KIAA2012: variants seen among roughly 807,000 people sequenced by gnomAD.
KIAA2012 encodes the protein KIAA2012, also known as uncharacterized protein KIAA2012.
A neutral mutation model predicts 150.6 loss-of-function variants in KIAA2012; 125 were observed. That is an observed-to-expected ratio of 0.83 (90% CI 0.72 to 0.96). The LOEUF (loss-of-function observed/expected upper bound fraction) is 0.96, where lower values mean the gene tolerates loss of function less well. Among genes scored for constraint, KIAA2012 ranks in the 40% least tolerant of loss-of-function variants. KIAA2012 has a pLI of 0.00. For missense variants in KIAA2012, 1,219 were observed against 1,354.9 expected, an observed-to-expected ratio of 0.90 and a Z score of 1.57; for synonymous variants, 462 against 504.7, an observed-to-expected ratio of 0.92 and a Z score of 1.13.
intron 2 of KIAA2012, among the ~76,000 whole-genome samples, chr2:202,075,557 G>A (rs917090451): frequency 2.0e-5 from 3 of 152,156 alleles, no homozygotes; most frequent in East Asian, 3.8e-4. Context: ...CACCTCTGAT[G>A]TTCTTGGCTC....
intron 16 of KIAA2012, 119 bp from the exon 17 acceptor site, chr2:202,186,814 T>C: frequency 1.1e-6 from 1 of 880,220 alleles, no homozygotes; most frequent in Non-Finnish European, 1.7e-6. Flanking sequence ...TGACTAAGTA[T>C]GTCAAATGTC....
chr2:202,194,245 A>G lies in KIAA2012; in HGVS notation c.3070A>G (p.Lys1024Glu). 6.4e-7 allele frequency: 1 copy of G among 1,550,606 alleles called. No individual in the cohort carries two copies. The highest frequency in any genetic ancestry group is 8.7e-7 in the Non-Finnish European group (1 of 1,147,012). Reference protein sequence around the residue: ...EQQRQEEEERKQQLRLKAAQE... With the variant: ...EQQRQEEEEREQQLRLKAAQE... ...GCAGCGGCAGGAGGAGGAGGAGAGA[A>G]AGCAGCAGCTCCGGTTGAAAGCAGC... Residue 1024 changes from lysine to glutamate, a missense_variant, in exon 21 of 24, where the codon AAG (lysine) becomes GAG (glutamate). Lys to Glu is a moderately conservative substitution (Grantham distance 56, BLOSUM62 1). Transcript: ENST00000498697.
At chr2:202,108,957 C>T (rs1456097410) in intron 9 of KIAA2012, among the ~76,000 whole-genome samples, 2 of 152,314 alleles carry the variant, frequency 1.3e-5, no homozygotes, top group East Asian at 1.9e-4. Context: ...TCCTGGGTTT[C>T]CTGCTTCCTA....
chr2:202,109,870 T>C, intron 10 of KIAA2012, 81 bp downstream of exon 10: 1 of 1,310,298 alleles, frequency 7.6e-7, no homozygotes, highest in Non-Finnish European at 1.0e-6. Flanking sequence ...TGCTATGATG[T>C]AAGTTTTCTG....
At position 202,073,538 on chromosome 2, in the gene KIAA2012, T is replaced by C. The variant is rs1574995987; in HGVS notation, c.-90T>C. On this transcript the variant is annotated 5_prime_UTR_variant, in exon 1 of 24. Transcript: ENST00000498697. ...GTGTTTGTGGTCTTCTTGGGCTTGCTGTGAGCTCTGGAAATCTTGAGGTGT... is the reference window on the plus strand; with the variant it reads ...GTGTTTGTGGTCTTCTTGGGCTTGCCGTGAGCTCTGGAAATCTTGAGGTGT... 2.6e-6 allele frequency: 3 copies of C among 1,144,694 alleles called. No homozygotes were observed. The highest frequency in any genetic ancestry group is 2.6e-5 in the East Asian group (1 of 38,842). The allele number at this position is 1,144,694 out of a possible 1,614,324, so 70.9% of individuals were successfully genotyped here.
In KIAA2012 at chr2:202,128,263, T is replaced by C. The variant is rs372766811; in HGVS notation, c.1831+2981T>C. On this transcript the variant is annotated intron_variant, in intron 12 of 23. Coordinates refer to ENST00000498697, the MANE Select transcript of KIAA2012 (RefSeq NM_001277372.4). The stretch of plus-strand genomic sequence containing the variant: ...TTTTCTCTCCATGAAACTGCAAGCT[T>C]TTTTTCTTTTCTTTTCTTTTGAGAC... Among the ~76,000 whole-genome samples, 11 of 152,236 alleles carry C rather than the reference T, an allele frequency of 7.2e-5. No homozygotes were observed. The East Asian group carries it at 1.7e-3, about 24-fold the overall frequency.
At chr2:202,095,913 G>A (rs1195372376) in intron 4 of KIAA2012, among the ~76,000 whole-genome samples, 2 of 152,036 alleles carry the variant, frequency 1.3e-5, no homozygotes, top group African/African-American at 4.8e-5. Flanking sequence ...GTGAAACCCC[G>A]TCTCTACTAA....
At chr2:202,183,256 C>G (rs562963793) in intron 15 of KIAA2012, among the ~76,000 whole-genome samples, 1 of 151,980 alleles carries the variant, frequency 6.6e-6, no homozygotes, top group Admixed American at 6.5e-5. Flanking sequence ...TCCGTCTATA[C>G]GAAAAATAGA....
chr2:202,093,647 A>G (rs1390841461), intron 4 of KIAA2012, among the ~76,000 whole-genome samples: 1 of 152,166 alleles, frequency 6.6e-6, no homozygotes, highest in Admixed American at 6.5e-5. Context: ...AGAGCCAGAA[A>G]TGTGTATCGA....
At chr2:202,165,224 G>A in intron 14 of KIAA2012, 60 bp from the exon 15 acceptor site, 1 of 1,466,846 alleles carries the variant, frequency 6.8e-7, no homozygotes, top group African/African-American at 1.4e-5. Flanking sequence ...TCACAGAAGT[G>A]TTTTAAGTGT....
At chr2:202,105,975 C>T in intron 9 of KIAA2012, 65 bp downstream of exon 9, 1 of 1,550,196 alleles carries the variant, frequency 6.5e-7, no homozygotes, top group Non-Finnish European at 8.7e-7. Flanking sequence ...AGGCAAGACA[C>T]ACAAGGGTCC....
chr2:202,087,476 G>A (rs1273048248), intron 2 of KIAA2012, among the ~76,000 whole-genome samples: 1 of 120,750 alleles, frequency 8.3e-6, no homozygotes, highest in Non-Finnish European at 1.6e-5. Context: ...TAGTGCCACT[G>A]CACTCCAGCC....
intron 9 of KIAA2012, among the ~76,000 whole-genome samples, chr2:202,107,824 C>T (rs768383055): frequency 1.1e-4 from 16 of 152,114 alleles, no homozygotes; most frequent in East Asian, 1.9e-4. Context: ...GCCTGACCAA[C>T]GTGGTGAAAC....
At chr2:202,183,419 C>CAA (rs1235156565) in intron 15 of KIAA2012, among the ~76,000 whole-genome samples, 1 of 39,846 alleles carries the variant, frequency 2.5e-5, no homozygotes, top group African/African-American at 1.0e-4. Context: ...GGCTCTGTCT[C>CAA]AAAAAAAAAA....
intron 15 of KIAA2012, chr2:202,179,290 T>A: frequency 8.4e-7 from 1 of 1,184,816 alleles, no homozygotes; most frequent in Non-Finnish European, 1.2e-6. Context: ...GCTCTTCGGG[T>A]AAAGATGGCG....
Position 202,093,155 on chromosome 2 carries a change from T to G in KIAA2012, c.655T>G (p.Trp219Gly). ...TCTCCTGCCTGTCTTCCCTTCATTTTGGATTCAACAAGGAAAATCTTTTGA... is the reference window on the plus strand; with the variant it reads ...TCTCCTGCCTGTCTTCCCTTCATTTGGGATTCAACAAGGAAAATCTTTTGA... The part of the protein sequence containing the change: ...YHLLPVFPSF[W>G]IQQGKSFEQR... Residue 219 changes from tryptophan to glycine, a missense_variant, in exon 4 of 24, where the codon TGG becomes GGG. Coordinates refer to ENST00000498697, the MANE Select transcript of KIAA2012 (RefSeq NM_001277372.4). The G allele has an allele frequency of 6.4e-7, 1 of 1,551,278 alleles. No individual in the cohort carries two copies. Among genetic ancestry groups the G allele is most frequent in the Non-Finnish European group, 8.7e-7 (1 of 1,147,130 alleles).
intron 13 of KIAA2012, among the ~76,000 whole-genome samples, chr2:202,150,345 G>A (rs1190496761): frequency 6.6e-6 from 1 of 152,184 alleles, no homozygotes; most frequent in African/African-American, 2.4e-5. Context: ...CAATATAGGT[G>A]AAGGGATGGG....
At chr2:202,193,256 A>G (rs998907267) in intron 19 of KIAA2012, 45 bp from the exon 20 acceptor site, 7 of 1,531,230 alleles carry the variant, frequency 4.6e-6, no homozygotes, top group Non-Finnish European at 6.2e-6. Context: ...CACTGCTGAG[A>G]CAGACCCATC....
intron 8 of KIAA2012, 130 bp downstream of exon 8, chr2:202,103,244 G>A: frequency 4.6e-6 from 4 of 869,452 alleles, no homozygotes; most frequent in South Asian, 2.2e-5. Flanking sequence ...TTTTAAAGAA[G>A]GAAAAAGGAT....
Sources: allele counts gnomAD v4.1 joint callset (sites outside exome capture counted in the v4.1 genomes callset), GRCh38; gene constraint gnomAD v4.1.1; transcripts MANE v1.5; gene names NCBI Gene and HGNC (gene_info 2026-07-23, HGNC 2026-07-21).